TCF24: variants seen among roughly 807,000 people sequenced by gnomAD.
TCF24 encodes the protein transcription factor 24.
Under a neutral mutation model 9.3 loss-of-function variants are expected in TCF24, and 5 were observed. That is an observed-to-expected ratio of 0.54 (90% confidence interval 0.28 to 1.13). The LOEUF (loss-of-function observed/expected upper bound fraction) is 1.13. Among genes scored for constraint, TCF24 ranks in the 50% most tolerant of loss-of-function variants. TCF24 has a pLI of 0.09. For missense variants in TCF24, 220 were observed against 236.1 expected (o/e 0.93, Z 0.45); for synonymous variants, 110 against 115.8 (o/e 0.95, Z 0.32).
In TCF24 at chr8:66,961,900, C is replaced by A. The variant is rs1190330006; in HGVS notation, c.-47G>T. The A allele has an allele frequency of 1.3e-6, 1 of 750,696 alleles. No homozygotes were observed. Among genetic ancestry groups the A allele is most frequent in the East Asian group, 1.0e-4 (1 of 9,592 alleles). 46.5% of individuals were successfully genotyped at this position (750,696 alleles called of 1,614,324 possible). On this transcript the variant is annotated 5_prime_UTR_variant, in exon 2 of 4. Coordinates refer to ENST00000563496, the MANE Select transcript of TCF24 (RefSeq NM_001193502.2). ...ACCAGCAGCCCAACGGGGCTAAGGG[C>A]GCTCTCAAGCGAGCTCGTTTTGCCT...
chr8:66,954,177 T>C (rs917446822), intron 3 of TCF24, among the ~76,000 whole-genome samples: 9 of 152,204 alleles, frequency 5.9e-5, no homozygotes, highest in African/African-American at 1.9e-4. Context: ...GTGCTCTGCA[T>C]TTTAGAGTTT....
chr8:66,961,817 C>G (rs1008079145), intron 2 of TCF24, 29 bp from the exon 3 acceptor site: 3 of 1,087,502 alleles, frequency 2.8e-6, no homozygotes, highest in Non-Finnish European at 3.4e-6. Context: ...GCGGTGAGGC[C>G]GGGGGGCGGT....
intron 3 of TCF24, among the ~76,000 whole-genome samples, chr8:66,954,826 C>T (rs569225845): frequency 7.9e-5 from 12 of 152,246 alleles, no homozygotes; most frequent in South Asian, 6.2e-4. Context: ...GTCCGAAAAG[C>T]GCAATATTCG....
intron 3 of TCF24, among the ~76,000 whole-genome samples, chr8:66,953,312 A>G (rs2130899031): frequency 6.7e-6 from 1 of 149,242 alleles, no homozygotes; most frequent in Admixed American, 6.7e-5. Context: ...ATCTCTCAGC[A>G]TTTGCTTGTC....
At chr8:66,952,748 C>T (rs947269220) in intron 3 of TCF24, among the ~76,000 whole-genome samples, 2 of 151,510 alleles carry the variant, frequency 1.3e-5, no homozygotes, top group African/African-American at 4.9e-5. Context: ...TTGTAGGTCA[C>T]TCAGGACTTG....
chr8:66,955,128 A>C (rs1017666912), intron 3 of TCF24: 2 of 152,308 alleles, frequency 1.3e-5, no homozygotes, highest in Admixed American at 6.6e-5. Context: ...CCTCGACATC[A>C]TCTAGCTCTA....
At chr8:66,952,726 G>A (rs1814078860) in intron 3 of TCF24, among the ~76,000 whole-genome samples, 1 of 151,126 alleles carries the variant, frequency 6.6e-6, no homozygotes, top group Non-Finnish European at 1.5e-5. Flanking sequence ...ATGTGTGGGA[G>A]TCTAAGTCTC....
chr8:66,949,438 C>T (rs1814021244), intron 3 of TCF24, among the ~76,000 whole-genome samples: 1 of 152,236 alleles, frequency 6.6e-6, no homozygotes, highest in Non-Finnish European at 1.5e-5. Flanking sequence ...ATGAACTCAT[C>T]ATTTTTTATG....
intron 3 of TCF24, among the ~76,000 whole-genome samples, chr8:66,955,759 T>C (rs1814142267): frequency 6.6e-6 from 1 of 152,180 alleles, no homozygotes; most frequent in Admixed American, 6.5e-5. Context: ...AGATCTTAGA[T>C]GGAATAATAT....
intron 3 of TCF24, among the ~76,000 whole-genome samples, chr8:66,953,395 C>G (rs1311477123): frequency 6.6e-6 from 1 of 151,734 alleles, no homozygotes; most frequent in Non-Finnish European, 1.5e-5. Flanking sequence ...GTTGAAAATT[C>G]TTTTCTTTAA....
chr8:66,948,224 G>T, intron 3 of TCF24, 60 bp from the exon 4 acceptor site: 4 of 1,179,000 alleles, frequency 3.4e-6, no homozygotes, highest in Non-Finnish European at 4.7e-6. Context: ...ATATTAACAT[G>T]GTCTACAATG....
At chr8:66,954,006 TTTC>T (rs1352694965) in intron 3 of TCF24, among the ~76,000 whole-genome samples, 1 of 151,980 alleles carries the variant, frequency 6.6e-6, no homozygotes, top group African/African-American at 2.4e-5. Flanking sequence ...TCTAAATTTT[TTTC>T]AAAGTTTTCA....
chr8:66,954,303 C>A (rs1814112424), intron 3 of TCF24, among the ~76,000 whole-genome samples: 1 of 151,802 alleles, frequency 6.6e-6, no homozygotes, highest in African/African-American at 2.4e-5. Context: ...TGTTAGTTTT[C>A]CTTCTAACAG....
At chr8:66,961,275 C>G in intron 3 of TCF24, 101 bp downstream of exon 3, 1 of 1,297,356 alleles carries the variant, frequency 7.7e-7, no homozygotes, top group South Asian at 2.1e-5. Context: ...CCCGCCTCAC[C>G]CGAAAAGGAA....
intron 3 of TCF24, among the ~76,000 whole-genome samples, chr8:66,955,938 A>AT (rs910875004): frequency 6.6e-5 from 10 of 150,734 alleles, no homozygotes; most frequent in South Asian, 2.1e-4. Flanking sequence ...TTTTATTATT[A>AT]TTTTTTTTTA....
chr8:66,953,370 G>C (rs911543038), intron 3 of TCF24, among the ~76,000 whole-genome samples: 24 of 150,794 alleles, frequency 1.6e-4, no homozygotes, highest in Non-Finnish European at 3.4e-4. Context: ...AGTTTGGCTG[G>C]ATATGAAATT....
intron 3 of TCF24, among the ~76,000 whole-genome samples, chr8:66,957,972 C>A (rs569374004): frequency 9.7e-5 from 14 of 144,760 alleles, no homozygotes; most frequent in Non-Finnish European, 1.1e-4. Flanking sequence ...ATGAAGGCGT[C>A]TATTTCATCC....
chr8:66,955,847 T>G (rs2130900547), intron 3 of TCF24, among the ~76,000 whole-genome samples: 1 of 152,334 alleles, frequency 6.6e-6, no homozygotes, highest in East Asian at 1.9e-4. Flanking sequence ...CCATAAAGAA[T>G]AAGTGGGCAT....
chr8:66,949,678 A>G (rs1262096036), intron 3 of TCF24, among the ~76,000 whole-genome samples: 1 of 152,156 alleles, frequency 6.6e-6, no homozygotes, highest in East Asian at 1.9e-4. Context: ...AGGAATCGCC[A>G]CACTGACTTC....
Sources: gnomAD v4.1 joint callset for allele counts (sites outside exome capture counted in the v4.1 genomes callset) on GRCh38, gnomAD v4.1.1 for gene constraint, MANE v1.5 for transcripts, NCBI Gene and HGNC (gene_info 2026-07-23, HGNC 2026-07-21) for gene names.